USP13: variants seen among roughly 807,000 people sequenced by gnomAD.
USP13 encodes ubiquitin carboxyl-terminal hydrolase 13.
Under a neutral mutation model 107.8 loss-of-function variants are expected in USP13, and 68 were observed. The observed-to-expected ratio is 0.63, with a 90% CI of 0.52 to 0.77. The LOEUF (loss-of-function observed/expected upper bound fraction) is 0.77, where lower values mean the gene tolerates loss of function less well. USP13 is among the 30% of genes least tolerant of loss of function. USP13 has a pLI of 0.00. For missense variants in USP13, 945 were observed against 1,093.3 expected (o/e 0.86, Z 1.91); for synonymous variants, 377 against 389.5 (o/e 0.97, Z 0.38).
intron 4 of USP13, among the ~76,000 whole-genome samples, chr3:179,706,220 G>A (rs1362070006): frequency 6.6e-6 from 1 of 152,204 alleles, no homozygotes; most frequent in Non-Finnish European, 1.5e-5. Flanking sequence ...CAACCACAAT[G>A]TAAGTTTTTA....
chr3:179,730,515 A>T, intron 9 of USP13, 101 bp from the exon 10 acceptor site: 2 of 991,884 alleles, frequency 2.0e-6, no homozygotes, highest in Non-Finnish European at 3.0e-6. Flanking sequence ...CAAATGCTCC[A>T]CCTAACAGCA....
intron 1 of USP13, among the ~76,000 whole-genome samples, chr3:179,670,877 T>G (rs1720731055): frequency 6.6e-6 from 1 of 151,948 alleles, no homozygotes; most frequent in African/African-American, 2.4e-5. Context: ...TTTGTATTTT[T>G]GGTAGAGACG....
chr3:179,763,369 A>C (rs1344035435), intron 17 of USP13, among the ~76,000 whole-genome samples: 2 of 152,148 alleles, frequency 1.3e-5, no homozygotes, highest in Admixed American at 1.3e-4. Flanking sequence ...TAGGTCAATG[A>C]GCCATTTTGA....
At chr3:179,673,194 C>T (rs1327119271) in intron 1 of USP13, among the ~76,000 whole-genome samples, 3 of 152,084 alleles carry the variant, frequency 2.0e-5, no homozygotes, top group East Asian at 1.9e-4. Flanking sequence ...ATTGTTTAGT[C>T]GTGCCAGAGA....
chr3:179,653,080 C>A lies in USP13; in HGVS notation c.-146C>A. The A allele has an allele frequency of 1.5e-6, 1 of 672,098 alleles. No individual in the cohort carries two copies. Among genetic ancestry groups the A allele is most frequent in the Non-Finnish European group, 1.8e-6 (1 of 544,866 alleles). The allele number at this position is 672,098 out of a possible 1,614,324, so 41.6% of individuals were successfully genotyped here. A position where few individuals can be genotyped will look rare whatever the true frequency, so the allele number is the denominator to read the frequency against. ...CGCGGTGCCCGCTCCCGCCCCGCAG[C>A]CCGCTCTCCCCGCCCGCCCCGGCTC... On this transcript the variant is annotated 5_prime_UTR_variant, in exon 1 of 21. Transcript: ENST00000263966. The surrounding 1 kb of genome is among the most constrained non-coding windows in gnomAD (Gnocchi z 4.0).
chr3:179,655,023 C>A (rs1462199357), intron 1 of USP13, among the ~76,000 whole-genome samples: 2 of 151,944 alleles, frequency 1.3e-5, no homozygotes, highest in Non-Finnish European at 2.9e-5. Flanking sequence ...TTTGAAAATG[C>A]CATTTTCAGA....
chr3:179,691,537 CAG>C (rs1712118747), intron 3 of USP13, among the ~76,000 whole-genome samples: 1 of 152,112 alleles, frequency 6.6e-6, no homozygotes, highest in Admixed American at 6.6e-5. Flanking sequence ...TGCATGGTAT[CAG>C]GGGTACATGA....
chr3:179,784,202 A>AAAAG lies in USP13; in HGVS notation c.*63_*64insAGAA. ...CGCCTTTTTAATTTGCCAAAAAAAA[A>AAAAG]AAGAAGAAGAAGAAGTTGAAACAAC... is the stretch of plus-strand genomic sequence containing the variant. On this transcript the variant is annotated 3_prime_UTR_variant, in exon 21 of 21. Coordinates refer to ENST00000263966, the MANE Select transcript of USP13 (RefSeq NM_003940.3). 2 of 1,321,234 alleles carry AAAAG rather than the reference A, an allele frequency of 1.5e-6. No homozygotes were observed. Among genetic ancestry groups the AAAAG allele is most frequent in the Non-Finnish European group, 2.1e-6 (2 of 941,688 alleles). 81.8% of individuals were successfully genotyped at this position (1,321,234 alleles called of 1,614,324 possible). A position where few individuals can be genotyped will look rare whatever the true frequency, so the allele number is the denominator to read the frequency against.
intron 9 of USP13, 103 bp from the exon 10 acceptor site, chr3:179,730,513 C>T (rs925611538): frequency 5.1e-6 from 5 of 975,790 alleles, no homozygotes; most frequent in Non-Finnish European, 6.1e-6. Context: ...ATCAAATGCT[C>T]CACCTAACAG....
chr3:179,755,822 A>G (rs2108528330), intron 15 of USP13, among the ~76,000 whole-genome samples: 2 of 152,336 alleles, frequency 1.3e-5, no homozygotes, highest in East Asian at 3.9e-4. Flanking sequence ...AAGGTTTTCC[A>G]TCAGTTAAGC....
In USP13 at chr3:179,721,465, G is replaced by A. The variant is rs770218396; in HGVS notation, c.964G>A (p.Glu322Lys). 5 of 1,614,174 alleles carry A rather than the reference G, an allele frequency of 3.1e-6. No homozygotes were observed. In the South Asian group the frequency reaches 4.4e-5, roughly 14 times the overall value. Residue 322 changes from glutamate (E) to lysine (K), a missense_variant, in exon 8 of 21, where the codon GAG becomes AAG. Coordinates refer to ENST00000263966, the MANE Select transcript of USP13 (RefSeq NM_003940.3). The surrounding 1 kb of genome is among the most constrained non-coding windows in gnomAD (Gnocchi z 4.3). The part of the protein sequence containing the change: ...LRVSEWEVIQ[E>K]SGTKLKPMYG... ...GGTCAGTGAGTGGGAAGTGATCCAG[G>A]AGTCGGGCACGAAACTGAAGCCAAT... is the stretch of plus-strand genomic sequence containing the variant.
chr3:179,761,729 CAAA>C (rs767059499), intron 17 of USP13, among the ~76,000 whole-genome samples: 3 of 151,736 alleles, frequency 2.0e-5, no homozygotes, highest in Non-Finnish European at 4.4e-5. Context: ...CTCAAAAAAA[CAAA>C]CAAACAAAAA....
chr3:179,720,168 T>A (rs1713260898), intron 7 of USP13, 134 bp downstream of exon 7: 1 of 558,630 alleles, frequency 1.8e-6, no homozygotes, highest in Admixed American at 4.1e-5. Context: ...AGCTTTTAAT[T>A]GTTGCATTTA....
At chr3:179,736,308 C>G (rs948561586) in intron 10 of USP13, among the ~76,000 whole-genome samples, 4 of 152,170 alleles carry the variant, frequency 2.6e-5, no homozygotes, top group South Asian at 4.1e-4. Flanking sequence ...TCATGAGATT[C>G]AGGCTCAACT....
chr3:179,699,645 A>G (rs1441173585), intron 3 of USP13, among the ~76,000 whole-genome samples: 1 of 148,152 alleles, frequency 6.7e-6, no homozygotes. Flanking sequence ...TGTTGTAGTA[A>G]GCTATGATCA....
chr3:179,728,850 C>T (rs929954091), intron 8 of USP13, among the ~76,000 whole-genome samples: 2 of 152,042 alleles, frequency 1.3e-5, no homozygotes, highest in African/African-American at 4.8e-5. Context: ...GGCGTGGCGG[C>T]GCGCGCCTAC....
chr3:179,765,940 C>A, intron 19 of USP13, 92 bp downstream of exon 19: 2 of 1,408,468 alleles, frequency 1.4e-6, no homozygotes, highest in Non-Finnish European at 1.9e-6. Flanking sequence ...CAAGCCTTTG[C>A]CATCATTCAA....
At chr3:179,754,087 A>G (rs1714702700) in intron 14 of USP13, among the ~76,000 whole-genome samples, 1 of 152,224 alleles carries the variant, frequency 6.6e-6, no homozygotes, top group African/African-American at 2.4e-5. Flanking sequence ...CCTAACAAGG[A>G]CAGGGTAATC....
At chr3:179,714,080 G>A (rs1713018384) in intron 6 of USP13, among the ~76,000 whole-genome samples, 1 of 152,202 alleles carries the variant, frequency 6.6e-6, no homozygotes, top group African/African-American at 2.4e-5. Flanking sequence ...TTGTTTCGGC[G>A]AGGCAGGGAT....
Sources: gnomAD v4.1 joint callset for allele counts (sites outside exome capture counted in the v4.1 genomes callset) on GRCh38, gnomAD v4.1.1 for gene constraint, Gnocchi (gnomAD v3.1) non-coding constraint, MANE v1.5 for transcripts, NCBI Gene and HGNC (gene_info 2026-07-23, HGNC 2026-07-21) for gene names.